The following NMNAT1 variants were observed in gnomAD, a reference collection of about 807,000 sequenced individuals.
NMNAT1 encodes the protein nicotinamide/nicotinic acid mononucleotide adenylyltransferase 1.
In NMNAT1, 11 loss-of-function variants were observed where a neutral mutation model predicts 16.7. The ratio of observed to expected loss-of-function variants is 0.66; its 90% CI spans 0.41 to 1.09. The LOEUF is 1.09. Among genes scored for constraint, NMNAT1 ranks in the 50% least tolerant of loss-of-function variants. NMNAT1 has a pLI of 0.00. For synonymous variants in NMNAT1, 110 were observed against 119.8 expected (o/e 0.92, Z 0.53); for missense variants, 280 against 332.3 (o/e 0.84, Z 1.22).
chr1:9,982,098 A>G (rs1641960887), intron 4 of NMNAT1, among the ~76,000 whole-genome samples: 1 of 151,996 alleles, frequency 6.6e-6, no homozygotes, highest in Non-Finnish European at 1.5e-5. Flanking sequence ...CCTGACCTCA[A>G]GTGATCTACC....
chr1:9,950,141 A>G (rs777544841), intron 1 of NMNAT1, among the ~76,000 whole-genome samples: 5 of 152,202 alleles, frequency 3.3e-5, no homozygotes, highest in Middle Eastern at 3.4e-3. Context: ...CCCAGGCTGG[A>G]GGGCAGTGAC....
At chr1:9,973,523 C>T (rs947341151) in intron 2 of NMNAT1, among the ~76,000 whole-genome samples, 8 of 150,212 alleles carry the variant, frequency 5.3e-5, no homozygotes, top group South Asian at 2.1e-4. Context: ...CTGGCTAACA[C>T]GGTGAAACCC....
At chr1:9,992,190 G>A in the NMNAT1 span, among the ~76,000 whole-genome samples, 1,520 of 150,500 alleles carry the variant, frequency 0.01, 26 homozygotes, top group African/African-American at 0.035. Flanking sequence ...TCAAGCGATC[G>A]TCCCACCTCA....
At chr1:9,970,924 A>G (rs958353607) in intron 1 of NMNAT1, among the ~76,000 whole-genome samples, 3 of 152,192 alleles carry the variant, frequency 2.0e-5, no homozygotes, top group African/African-American at 7.2e-5. Context: ...CAATAGTGCA[A>G]TCACAAAACT....
In NMNAT1 at chr1:9,972,232, C is replaced by T. The variant is rs571299198; in HGVS notation, c.115+44C>T. 149 of 1,021,832 alleles carry T rather than the reference C, an allele frequency of 1.5e-4. 2 individuals are homozygous for T. Among genetic ancestry groups the T allele is most frequent in the Middle Eastern group, 1.4e-3 (7 of 4,854 alleles). The allele number at this position is 1,021,832 out of a possible 1,614,324, so 63.3% of individuals were successfully genotyped here. On this transcript the variant is annotated intron_variant, in intron 2 of 4. Coordinates refer to ENST00000377205, the MANE Select transcript of NMNAT1 (RefSeq NM_022787.4). The stretch of plus-strand genomic sequence containing the variant: ...AGTGGCTTAAGACTAGAGAACCAGC[C>T]GGGTGCAGTGGCTCACACCTGCAAT...
intron 1 of NMNAT1, among the ~76,000 whole-genome samples, chr1:9,945,801 T>C (rs1011912064): frequency 6.6e-6 from 1 of 152,228 alleles, no homozygotes; most frequent in Non-Finnish European, 1.5e-5. Context: ...TCACCCAGAC[T>C]GGAGTACAGT....
At chr1:9,977,697 T>A (rs971661565) in intron 3 of NMNAT1, among the ~76,000 whole-genome samples, 1 of 151,616 alleles carries the variant, frequency 6.6e-6, no homozygotes, top group Admixed American at 6.6e-5. Context: ...TGAAACCCTG[T>A]CTCTACTAAA....
At chr1:9,967,444 G>A (rs1641574075) in intron 1 of NMNAT1, 1 of 153,106 alleles carries the variant, frequency 6.5e-6, no homozygotes, top group Non-Finnish European at 1.5e-5. Context: ...ATCATGAAAC[G>A]CTTGAGGATA....
chr1:9,980,979 C>T, intron 3 of NMNAT1, 52 bp from the exon 4 acceptor site: 1 of 1,566,828 alleles, frequency 6.4e-7, no homozygotes, highest in Non-Finnish European at 8.6e-7. Context: ...ATGATATATT[C>T]TAATGGAGCA....
downstream of NMNAT1, among the ~76,000 whole-genome samples, chr1:9,986,558 C>T (rs1048787436): frequency 1.3e-5 from 2 of 152,060 alleles, no homozygotes; most frequent in African/African-American, 4.8e-5. Flanking sequence ...ATAGCAAGAT[C>T]CTATCTTTAG....
chr1:9,982,008 C>A (rs1172108732), intron 4 of NMNAT1, among the ~76,000 whole-genome samples: 1 of 152,108 alleles, frequency 6.6e-6, no homozygotes, highest in Non-Finnish European at 1.5e-5. Context: ...GGGTTACAGG[C>A]GTGCGCCACC....
At chr1:9,981,266 G>A (rs764861259) in intron 4 of NMNAT1, 96 bp downstream of exon 4, 26 of 1,506,050 alleles carry the variant, frequency 1.7e-5, no homozygotes, top group Non-Finnish European at 2.1e-5. Context: ...ATGGAGTCTC[G>A]CTCTATCACC....
In NMNAT1 at chr1:9,965,429, A is replaced by T. The variant is rs1203245623; in HGVS notation, c.-56-6589A>T. The stretch of plus-strand genomic sequence containing the variant: ...TATTATTGTTGTTATTTTGAGACAG[A>T]GTCTCGCTCTGTCACCCAGGCTGGA... On this transcript the variant is annotated intron_variant, in intron 1 of 4. Transcript: ENST00000377205. 4.0e-5 allele frequency among the ~76,000 whole-genome samples: 6 copies of T among 151,294 alleles called. No homozygotes were observed. The East Asian group carries it at 1.2e-3, about 30-fold the overall frequency.
chr1:9,946,057 C>A (rs1419270135), intron 1 of NMNAT1, among the ~76,000 whole-genome samples: 2 of 152,164 alleles, frequency 1.3e-5, no homozygotes, highest in Non-Finnish European at 2.9e-5. Flanking sequence ...CCCAGCCTTC[C>A]CCTAATTTTG....
the NMNAT1 span, among the ~76,000 whole-genome samples, chr1:9,994,749 C>T: frequency 1.7e-4 from 25 of 149,360 alleles, no homozygotes; most frequent in Non-Finnish European, 3.3e-4. Context: ...GTAGCTGGGA[C>T]TACAGGTGCC....
At chr1:9,958,218 G>T (rs1641315228) in intron 1 of NMNAT1, among the ~76,000 whole-genome samples, 1 of 152,032 alleles carries the variant, frequency 6.6e-6, no homozygotes. Flanking sequence ...ACAAATTCAG[G>T]TTCTGTTTGG....
chr1:9,949,476 C>A (rs1159936958), intron 1 of NMNAT1, among the ~76,000 whole-genome samples: 2 of 132,694 alleles, frequency 1.5e-5, no homozygotes, highest in Admixed American at 1.8e-4. Flanking sequence ...GTGGTGCAAT[C>A]TTTGCTCACT....
At chr1:9,970,905 C>T (rs1641673880) in intron 1 of NMNAT1, among the ~76,000 whole-genome samples, 1 of 152,142 alleles carries the variant, frequency 6.6e-6, no homozygotes, top group South Asian at 2.1e-4. Flanking sequence ...TATTAATTAA[C>T]TGTGGCCACA....
chr1:9,955,404 A>C (rs1285075611), intron 1 of NMNAT1, among the ~76,000 whole-genome samples: 2 of 11,880 alleles, frequency 1.7e-4, no homozygotes, highest in African/African-American at 2.1e-4. Flanking sequence ...ACTTTGTCTC[A>C]AAAAAAAAAA....
Sources: allele counts gnomAD v4.1 joint callset (sites outside exome capture counted in the v4.1 genomes callset), GRCh38; gene constraint gnomAD v4.1.1; transcripts MANE v1.5; gene names NCBI Gene and HGNC (gene_info 2026-07-23, HGNC 2026-07-21).